ARHGAP44: variants seen among roughly 807,000 people sequenced by gnomAD.
ARHGAP44 encodes the protein Rho GTPase activating protein 44.
A neutral mutation model predicts 106.8 loss-of-function variants in ARHGAP44; 43 were observed. The observed-to-expected ratio is 0.40, with a 90% CI of 0.32 to 0.52. The LOEUF (loss-of-function observed/expected upper bound fraction) is 0.52. ARHGAP44 is among the 20% of genes least tolerant of loss of function. ARHGAP44 has a pLI of 0.48. For missense variants in ARHGAP44, 866 were observed against 1,050.5 expected (o/e 0.82, Z 2.43); for synonymous variants, 439 against 410.3 (o/e 1.07, Z -0.85).
chr17:12,961,167 C>A (rs1024179678), intron 16 of ARHGAP44, among the ~76,000 whole-genome samples: 3 of 152,178 alleles, frequency 2.0e-5, no homozygotes, highest in African/African-American at 7.2e-5. Flanking sequence ...TCCAAATGGC[C>A]TCTGAGAGAG....
rs149957023 is a variant in ARHGAP44 at position 12,866,105 on chromosome 17, T to G, written c.54-28835T>G. On this transcript the variant is annotated intron_variant, in intron 1 of 20. Coordinates refer to ENST00000379672, the MANE Select transcript of ARHGAP44 (RefSeq NM_014859.6). ...AACATGTTCTAAATGTTTCCTCTAA[T>G]GGATCAGGGGAGAAGACTGAGGAGG... Among the ~76,000 whole-genome samples the G allele has an allele frequency of 8.0e-4, 122 of 152,192 alleles. 2 individuals carry two copies. The East Asian group carries it at 0.023, about 29-fold the overall frequency.
At chr17:12,908,407 G>A (rs1296380964) in intron 3 of ARHGAP44, among the ~76,000 whole-genome samples, 3 of 151,986 alleles carry the variant, frequency 2.0e-5, no homozygotes, top group Non-Finnish European at 2.9e-5. Context: ...ATGTTGGCCA[G>A]GTCGGTCTCG....
At chr17:12,980,511 ATG>A (rs2143409018) in intron 19 of ARHGAP44, among the ~76,000 whole-genome samples, 1 of 152,226 alleles carries the variant, frequency 6.6e-6, no homozygotes, top group Non-Finnish European at 1.5e-5. Context: ...GTCCACAATG[ATG>A]TGTGTTTTCC....
chr17:12,869,761 T>C (rs2036351005), intron 1 of ARHGAP44, among the ~76,000 whole-genome samples: 1 of 151,454 alleles, frequency 6.6e-6, no homozygotes, highest in Non-Finnish European at 1.5e-5. Flanking sequence ...TATACCTTAA[T>C]GTATTTTTTC....
chr17:12,821,620 A>G (rs2034773139), intron 1 of ARHGAP44, among the ~76,000 whole-genome samples: 1 of 152,216 alleles, frequency 6.6e-6, no homozygotes, highest in African/African-American at 2.4e-5. Context: ...GTGCCTGAGC[A>G]TTAATCTCAA....
intron 3 of ARHGAP44, among the ~76,000 whole-genome samples, chr17:12,897,710 CTTTTTTTTTT>C (rs71980749): frequency 1.8e-5 from 2 of 108,952 alleles, no homozygotes; most frequent in African/African-American, 7.1e-5. Flanking sequence ...TGATCTGTGT[CTTTTTTTTTT>C]TTTTTTTTTT....
intron 9 of ARHGAP44, 39 bp downstream of exon 9, chr17:12,943,708 T>G: frequency 1.9e-6 from 3 of 1,589,286 alleles, no homozygotes; most frequent in Non-Finnish European, 2.6e-6. Context: ...AGGGCCGGGG[T>G]GCCTGCTTGC....
chr17:12,896,235 G>A (rs903290925), intron 2 of ARHGAP44, among the ~76,000 whole-genome samples, 172 bp from the exon 3 acceptor site: 3 of 152,084 alleles, frequency 2.0e-5, no homozygotes, highest in East Asian at 3.9e-4. Context: ...TTGTGCACAC[G>A]TACCTTAGAA....
At chr17:12,975,807 A>G (rs1468432465) in intron 18 of ARHGAP44, among the ~76,000 whole-genome samples, 2 of 149,756 alleles carry the variant, frequency 1.3e-5, no homozygotes, top group African/African-American at 2.4e-5. Flanking sequence ...AAAAAAAAAA[A>G]AAAAAAAAAA....
At position 12,949,274 on chromosome 17, in the gene ARHGAP44, G is replaced by A. The variant is rs746053248; in HGVS notation, c.973+23G>A. ...CAGGTGGGCACCTCTCAGCGCTCCT[G>A]TGTGCCATGGAGGCTCACAGGGAAG... On this transcript the variant is annotated intron_variant, in intron 11 of 20. Transcript: ENST00000379672. This position sits in a 1 kb window ranked among gnomAD's most constrained non-coding sequence, Gnocchi z 4.1. The A allele has an allele frequency of 4.5e-6, 7 of 1,547,864 alleles. No homozygotes were observed. Among genetic ancestry groups the A allele is most frequent in the African/African-American group, 1.4e-5 (1 of 72,986 alleles).
intron 1 of ARHGAP44, among the ~76,000 whole-genome samples, chr17:12,852,199 TAGGG>T (rs2035767372): frequency 7.4e-6 from 1 of 134,926 alleles, no homozygotes; most frequent in African/African-American, 2.7e-5. Flanking sequence ...GGCAAAACGA[TAGGG>T]AGGGTGGTTT....
chr17:12,941,938 G>T (rs1050935261), intron 8 of ARHGAP44, among the ~76,000 whole-genome samples: 1 of 152,196 alleles, frequency 6.6e-6, no homozygotes, highest in Non-Finnish European at 1.5e-5. Context: ...ATCGGGGAAG[G>T]AAAGGAATGA....
At chr17:12,984,410 G>A in intron 19 of ARHGAP44, 121 bp from the exon 20 acceptor site, 2 of 1,073,046 alleles carry the variant, frequency 1.9e-6, no homozygotes, top group Non-Finnish European at 2.5e-6. Context: ...AGGTGTGGGT[G>A]GGTGGCGAGG....
intron 13 of ARHGAP44, among the ~76,000 whole-genome samples, chr17:12,953,199 C>T (rs954586372): frequency 2.3e-4 from 35 of 152,238 alleles, no homozygotes; most frequent in Non-Finnish European, 4.3e-4. Flanking sequence ...CCCCCATTCC[C>T]GAGCCCTAGC....
chr17:12,935,063 C>T (rs937677974), intron 7 of ARHGAP44, among the ~76,000 whole-genome samples: 6 of 152,190 alleles, frequency 3.9e-5, no homozygotes, highest in East Asian at 1.9e-4. Context: ...AAATTTATAT[C>T]GGACAGAACT....
chr17:12,801,790 T>G (rs1466763034), intron 1 of ARHGAP44, among the ~76,000 whole-genome samples: 1 of 152,132 alleles, frequency 6.6e-6, no homozygotes, highest in Non-Finnish European at 1.5e-5. Flanking sequence ...AAGCATAAAA[T>G]GTTATCTCTG....
rs544950081 is a variant in ARHGAP44, at chr17:12,903,477, G to A, written c.199-5420G>A. On this transcript the variant is annotated intron_variant, in intron 3 of 20. Transcript: ENST00000379672. Reference sequence around the variant, plus strand: ...TTACCTGGGCACTAATATTTACCAGGGATTGGGACTGGCTTTGTCAGTGTG... The same window carrying A: ...TTACCTGGGCACTAATATTTACCAGAGATTGGGACTGGCTTTGTCAGTGTG... Among the ~76,000 whole-genome samples, 3 of 152,116 alleles carry A rather than the reference G, an allele frequency of 2.0e-5. No homozygotes were observed. The South Asian group carries it at 6.2e-4, about 32-fold the overall frequency.
At chr17:12,892,326 C>A (rs1269761734) in intron 1 of ARHGAP44, among the ~76,000 whole-genome samples, 1 of 151,102 alleles carries the variant, frequency 6.6e-6, no homozygotes, top group East Asian at 1.9e-4. Context: ...AATTGCTTTT[C>A]CCCCATTGTT....
At position 12,956,659 on chromosome 17, in the gene ARHGAP44, A is replaced by G. The variant is rs560403670; in HGVS notation, c.1255A>G (p.Ile419Val). 4 of 1,613,912 alleles carry G rather than the reference A, an allele frequency of 2.5e-6. No individual in the cohort carries two copies. The African/African-American group carries it at 4.0e-5, about 16-fold the overall frequency. Residue 419 changes from isoleucine (I) to valine (V), a missense_variant, in exon 15 of 21, where the codon ATT becomes GTT. Physicochemically the swap from Ile to Val is conservative, Grantham distance 29. Transcript: ENST00000379672. Reference sequence around the variant, plus strand: ...GCCTCTGCTCTCTGCTTACAGGAACATTACAGAGATGATGACCACAGTGTC... The same window carrying G: ...GCCTCTGCTCTCTGCTTACAGGAACGTTACAGAGATGATGACCACAGTGTC... The part of the protein sequence containing the change: ...NLLWPQAEGN[I>V]TEMMTTVSLQ...
Sources: gnomAD v4.1 joint callset for allele counts (sites outside exome capture counted in the v4.1 genomes callset) on GRCh38, gnomAD v4.1.1 for gene constraint, Gnocchi (gnomAD v3.1) non-coding constraint, MANE v1.5 for transcripts, NCBI Gene and HGNC (gene_info 2026-07-23, HGNC 2026-07-21) for gene names.